KALRN: variants seen among roughly 807,000 people sequenced by gnomAD.
The protein encoded by KALRN is kalirin RhoGEF kinase.
Under a neutral mutation model 353.7 loss-of-function variants are expected in KALRN, and 70 were observed. That is an observed-to-expected ratio of 0.20 (90% confidence interval 0.16 to 0.24). KALRN has a LOEUF of 0.24. Ranked by LOEUF, KALRN falls within the 10% of genes least tolerant of loss-of-function variation. The pLI, the probability that KALRN is intolerant of heterozygous loss-of-function variation, is 1.00. For missense variants in KALRN, 2,791 were observed against 3,756.7 expected, an observed-to-expected ratio of 0.74 and a Z score of 6.72; for synonymous variants, 1,391 against 1,434.8, an observed-to-expected ratio of 0.97 and a Z score of 0.69.
At chr3:124,290,858 GA>G (rs2076356362) in intron 5 of KALRN, among the ~76,000 whole-genome samples, 2 of 152,152 alleles carry the variant, frequency 1.3e-5, no homozygotes, top group African/African-American at 4.8e-5. Flanking sequence ...ATGTTATGGA[GA>G]TAACATTAAC....
chr3:124,167,631 A>G (rs2150076877), intron 1 of KALRN, among the ~76,000 whole-genome samples: 1 of 152,328 alleles, frequency 6.6e-6, no homozygotes, highest in East Asian at 1.9e-4. Context: ...AGCACAGATA[A>G]CAGGTATTCT....
At chr3:124,587,776 G>A (rs2075358879) in intron 34 of KALRN, among the ~76,000 whole-genome samples, 1 of 137,728 alleles carries the variant, frequency 7.3e-6, no homozygotes, top group Admixed American at 7.8e-5. Flanking sequence ...TTTGATCATG[G>A]TTCACCACAA....
chr3:124,299,008 G>A (rs1449725630), intron 6 of KALRN, 95 bp downstream of exon 6: 2 of 1,492,926 alleles, frequency 1.3e-6, no homozygotes, highest in Non-Finnish European at 1.9e-6. Context: ...ACCCGAGGAA[G>A]AACTGTGAAC....
chr3:124,153,183 T>C (rs917288280), intron 1 of KALRN: 1 of 153,592 alleles, frequency 6.5e-6, no homozygotes, highest in Non-Finnish European at 1.4e-5. Flanking sequence ...TAGTTACATA[T>C]GTACACATGT....
At chr3:124,444,352 T>G (rs182027285) in intron 19 of KALRN, among the ~76,000 whole-genome samples, 5 of 152,380 alleles carry the variant, frequency 3.3e-5, no homozygotes, top group African/African-American at 1.2e-4. Context: ...AAGGCCCTGC[T>G]TGTGTTTTAT....
intron 1 of KALRN, among the ~76,000 whole-genome samples, chr3:124,155,667 A>G (rs981067958): frequency 2.6e-5 from 4 of 152,258 alleles, no homozygotes; most frequent in African/African-American, 9.6e-5. Context: ...ATGAAATGGA[A>G]TTTAAAGAAA....
chr3:124,111,873 A>G (rs893033425), intron 1 of KALRN, among the ~76,000 whole-genome samples: 2 of 152,192 alleles, frequency 1.3e-5, no homozygotes, highest in African/African-American at 2.4e-5. Context: ...TCATATTACA[A>G]ATTACTTCTA....
At chr3:124,324,818 C>T (rs1279514131) in intron 6 of KALRN, among the ~76,000 whole-genome samples, 1 of 152,188 alleles carries the variant, frequency 6.6e-6, no homozygotes, top group Non-Finnish European at 1.5e-5. Flanking sequence ...TATTAATGAA[C>T]TACATCTGAG....
chr3:124,397,201 A>G lies in KALRN; in HGVS notation c.2172-1496A>G, dbSNP rs181629083. On this transcript the variant is annotated intron_variant, in intron 12 of 59. Transcript: ENST00000682506. ...ACATCCTCCCAGCAGCAAAGCCCTC[A>G]ACAAATACATAACAGATAGCACTGA... 4.6e-5 allele frequency among the ~76,000 whole-genome samples: 7 copies of G among 152,330 alleles called. No individual in the cohort carries two copies. The East Asian group carries it at 1.4e-3, about 29-fold the overall frequency.
chr3:124,472,156 T>C (rs2060980626), intron 25 of KALRN, among the ~76,000 whole-genome samples: 1 of 152,158 alleles, frequency 6.6e-6, no homozygotes, highest in African/African-American at 2.4e-5. Context: ...TTGATCAGAT[T>C]TTAAATAAAA....
intron 1 of KALRN, among the ~76,000 whole-genome samples, chr3:124,115,669 C>T (rs569625019): frequency 6.6e-6 from 1 of 152,244 alleles, no homozygotes; most frequent in East Asian, 1.9e-4. Context: ...TTCAGCTTCA[C>T]CCTGGTACTT....
intron 14 of KALRN, 71 bp downstream of exon 14, chr3:124,413,736 G>A (rs2150270695): frequency 8.6e-7 from 1 of 1,158,618 alleles, no homozygotes; most frequent in Non-Finnish European, 1.3e-6. Context: ...CCTGCAAGGA[G>A]CAGTGCCACA....
At chr3:124,270,380 T>C (rs2074000733) in intron 5 of KALRN, among the ~76,000 whole-genome samples, 1 of 152,220 alleles carries the variant, frequency 6.6e-6, no homozygotes, top group East Asian at 1.9e-4. Context: ...CCAATTTATG[T>C]ATTAAATATA....
At chr3:124,559,442 A>G (rs1052269292) in intron 33 of KALRN, among the ~76,000 whole-genome samples, 10 of 152,234 alleles carry the variant, frequency 6.6e-5, no homozygotes, top group Non-Finnish European at 1.2e-4. Context: ...GGAATTAGGC[A>G]GAGAAAATAT....
In KALRN at chr3:124,268,853, G is replaced by A. The variant is rs2073857163; in HGVS notation, c.567G>A (p.Arg189=). 1 of 1,613,996 alleles carries A rather than the reference G, an allele frequency of 6.2e-7. No individual in the cohort carries two copies. The highest frequency in any genetic ancestry group is 8.5e-7 in the Non-Finnish European group (1 of 1,180,018). Residue 189 remains arginine (R), a synonymous_variant, in exon 5 of 60, where the codon CGG becomes CGA. Transcript: ENST00000682506. ...ACCATGAGGAGTGGATCGAACTGCG[G>A]CTCTCCCTGGAGGAGTTCTTCAACA... ...DYNHEEWIEL[R]LSLEEFFNSA...
At chr3:124,598,302 AAAG>A (rs1245150005) in intron 34 of KALRN, among the ~76,000 whole-genome samples, 1 of 152,198 alleles carries the variant, frequency 6.6e-6, no homozygotes, top group East Asian at 1.9e-4. Flanking sequence ...TGGAATCTCC[AAAG>A]AAGGTCGGAA....
At chr3:124,388,771 C>T (rs1229168236) in intron 11 of KALRN, among the ~76,000 whole-genome samples, 1 of 152,078 alleles carries the variant, frequency 6.6e-6, no homozygotes, top group Non-Finnish European at 1.5e-5. Context: ...TATTAGAAGA[C>T]AGAAATGAGC....
At chr3:124,173,934 G>A (rs1400393209) in intron 1 of KALRN, among the ~76,000 whole-genome samples, 1 of 152,122 alleles carries the variant, frequency 6.6e-6, no homozygotes. Context: ...CCATGTGTCA[G>A]GGCTACCTAG....
intron 33 of KALRN, among the ~76,000 whole-genome samples, chr3:124,549,934 G>A (rs945837599): frequency 6.6e-6 from 1 of 152,100 alleles, no homozygotes; most frequent in Non-Finnish European, 1.5e-5. Flanking sequence ...AGTGGAAGCT[G>A]GGGTTGAAGA....
Sources: gnomAD v4.1 joint callset for allele counts (sites outside exome capture counted in the v4.1 genomes callset) on GRCh38, gnomAD v4.1.1 for gene constraint, MANE v1.5 for transcripts, NCBI Gene and HGNC (gene_info 2026-07-23, HGNC 2026-07-21) for gene names.